Variants in WDR41 observed in about 807,000 individuals in gnomAD.
WDR41 encodes the protein WD repeat-containing protein 41.
Under a neutral mutation model 69.3 loss-of-function variants are expected in WDR41, and 63 were observed. The observed-to-expected ratio is 0.91, with a 90% CI of 0.74 to 1.12. The LOEUF is 1.12. WDR41 is among the 50% of genes most tolerant of loss of function. The pLI, the probability that WDR41 is intolerant of heterozygous loss-of-function variation, is 0.00. For missense variants in WDR41, 543 were observed against 534.5 expected (o/e 1.02, Z -0.16); for synonymous variants, 185 against 192.1 (o/e 0.96, Z 0.31).
intron 1 of WDR41, among the ~76,000 whole-genome samples, chr5:77,543,095 G>C (rs1743122508): frequency 6.6e-6 from 1 of 152,080 alleles, no homozygotes; most frequent in Non-Finnish European, 1.5e-5. Flanking sequence ...CACATCCTTA[G>C]GAAAAAGGGG....
intron 1 of WDR41, among the ~76,000 whole-genome samples, chr5:77,573,172 C>T (rs534357113): frequency 1.3e-5 from 2 of 152,228 alleles, no homozygotes; most frequent in Admixed American, 1.3e-4. Flanking sequence ...TTAGGGGATC[C>T]AGAAACTAAT....
intron 8 of WDR41, among the ~76,000 whole-genome samples, chr5:77,443,595 T>C (rs1799259423): frequency 6.6e-6 from 1 of 152,174 alleles, no homozygotes; most frequent in African/African-American, 2.4e-5. Context: ...GTTAAGGCAG[T>C]ACTCATCTTC....
chr5:77,593,354 A>G (rs1178594051), intron 1 of WDR41, among the ~76,000 whole-genome samples: 2 of 152,070 alleles, frequency 1.3e-5, no homozygotes, highest in East Asian at 3.9e-4. Context: ...GGTTACAGAA[A>G]TTATAGACTA....
chr5:77,541,644 C>A (rs546445592), intron 1 of WDR41, among the ~76,000 whole-genome samples: 2 of 152,196 alleles, frequency 1.3e-5, no homozygotes, highest in African/African-American at 2.4e-5. Flanking sequence ...AGGCATCCAC[C>A]ACCACGCCAG....
At chr5:77,441,444 T>C (rs1561729128) in intron 8 of WDR41, among the ~76,000 whole-genome samples, 1 of 151,978 alleles carries the variant, frequency 6.6e-6, no homozygotes, top group Non-Finnish European at 1.5e-5. Flanking sequence ...TCCTAGTAAG[T>C]AGCTGCTTGG....
intron 1 of WDR41, among the ~76,000 whole-genome samples, chr5:77,568,323 G>A (rs989975642): frequency 3.3e-5 from 5 of 152,154 alleles, no homozygotes; most frequent in African/African-American, 1.2e-4. Flanking sequence ...ATTTATTCAA[G>A]AACAGTTCCC....
chr5:77,554,596 T>C (rs1743357192), intron 1 of WDR41, among the ~76,000 whole-genome samples: 1 of 150,172 alleles, frequency 6.7e-6, no homozygotes, highest in Non-Finnish European at 1.5e-5. Flanking sequence ...AATAAATTTG[T>C]TATTATTATA....
chr5:77,466,608 A>G (rs953748208), intron 2 of WDR41, among the ~76,000 whole-genome samples: 2 of 151,960 alleles, frequency 1.3e-5, no homozygotes, highest in African/African-American at 4.8e-5. Context: ...ATGACTGAGA[A>G]CAGCTGAGAG....
At chr5:77,507,341 C>T (rs1802124516) in intron 1 of WDR41, among the ~76,000 whole-genome samples, 1 of 152,130 alleles carries the variant, frequency 6.6e-6, no homozygotes, top group African/African-American at 2.4e-5. Context: ...TTTCCAGCAC[C>T]AATAGTGCTT....
intron 8 of WDR41, among the ~76,000 whole-genome samples, chr5:77,443,126 TAA>T (rs1310841086): frequency 1.3e-5 from 2 of 152,036 alleles, no homozygotes. Flanking sequence ...GGAAGTAGTT[TAA>T]CCTTTATCTT....
intron 2 of WDR41, among the ~76,000 whole-genome samples, chr5:77,481,026 TTG>T (rs1801213204): frequency 6.7e-6 from 1 of 149,140 alleles, no homozygotes; most frequent in Non-Finnish European, 1.5e-5. Flanking sequence ...GTTTTCTGGG[TTG>T]TTTTTTTTTT....
At chr5:77,507,592 T>G (rs1561209758) in intron 1 of WDR41, among the ~76,000 whole-genome samples, 1 of 152,214 alleles carries the variant, frequency 6.6e-6, no homozygotes, top group African/African-American at 2.4e-5. Flanking sequence ...ATACTCTCGA[T>G]ATAAGTATAA....
At chr5:77,441,095 G>T in intron 8 of WDR41, 98 bp from the exon 9 acceptor site, 1 of 1,319,680 alleles carries the variant, frequency 7.6e-7, no homozygotes, top group Non-Finnish European at 1.0e-6. Flanking sequence ...TAAAACCACA[G>T]TAATTAGAAC....
At chr5:77,587,432 CAGA>C (rs1402896695) in intron 1 of WDR41, among the ~76,000 whole-genome samples, 1 of 152,178 alleles carries the variant, frequency 6.6e-6, no homozygotes, top group African/African-American at 2.4e-5. Flanking sequence ...AGATAATTTT[CAGA>C]AGTTTTGTAC....
chr5:77,464,719 A>T (rs772148612), intron 3 of WDR41, 42 bp downstream of exon 3: 2 of 1,592,208 alleles, frequency 1.3e-6, no homozygotes, highest in Non-Finnish European at 1.7e-6. Context: ...CAACTACATC[A>T]TCATATCTTT....
intron 1 of WDR41, among the ~76,000 whole-genome samples, chr5:77,619,930 T>C (rs1330487275): frequency 1.3e-5 from 2 of 152,024 alleles, no homozygotes. Context: ...CTAGTAAAGA[T>C]GATGTTTAAA....
At chr5:77,554,041 T>G (rs1017378582) in intron 1 of WDR41, among the ~76,000 whole-genome samples, 1 of 152,164 alleles carries the variant, frequency 6.6e-6, no homozygotes, top group African/African-American at 2.4e-5. Context: ...AGTCAACAGA[T>G]GGTTAAAGAA....
At chr5:77,569,048 A>C (rs1381446537) in intron 1 of WDR41, among the ~76,000 whole-genome samples, 1 of 152,144 alleles carries the variant, frequency 6.6e-6, no homozygotes. Flanking sequence ...CTGTTCAAGC[A>C]CTTTGACACT....
intron 1 of WDR41, among the ~76,000 whole-genome samples, chr5:77,581,585 T>A (rs1279538881): frequency 6.6e-6 from 1 of 152,226 alleles, no homozygotes; most frequent in African/African-American, 2.4e-5. Flanking sequence ...GATTCTTCAG[T>A]AGACCATATG....
Sources: gnomAD v4.1 joint callset for allele counts (sites outside exome capture counted in the v4.1 genomes callset) on GRCh38, gnomAD v4.1.1 for gene constraint, MANE v1.5 for transcripts, NCBI Gene and HGNC (gene_info 2026-07-23, HGNC 2026-07-21) for gene names.